The following CARMIL1 variants were observed in gnomAD, a reference collection of about 807,000 sequenced individuals.
CARMIL1 encodes the protein F-actin-uncapping protein LRRC16A.
A neutral mutation model predicts 177.1 loss-of-function variants in CARMIL1; 90 were observed. The observed-to-expected ratio is 0.51, with a 90% CI of 0.43 to 0.61. The LOEUF (loss-of-function observed/expected upper bound fraction) is 0.61, where lower values mean the gene tolerates loss of function less well. Ranked by LOEUF, CARMIL1 falls within the 20% of genes least tolerant of loss-of-function variation. The pLI, the probability that CARMIL1 is intolerant of heterozygous loss-of-function variation, is 0.00. For synonymous variants in CARMIL1, 577 were observed against 606.2 expected (o/e 0.95, Z 0.71); for missense variants, 1,380 against 1,667.0 (o/e 0.83, Z 3.00).
intron 29 of CARMIL1, among the ~76,000 whole-genome samples, chr6:25,570,273 T>C (rs998482727): frequency 2.6e-5 from 4 of 152,214 alleles, no homozygotes; most frequent in Non-Finnish European, 4.4e-5. Flanking sequence ...ATTTTCCCAC[T>C]TTTTAAAAAT....
At chr6:25,416,506 C>T (rs1274600341) in intron 2 of CARMIL1, among the ~76,000 whole-genome samples, 4 of 152,172 alleles carry the variant, frequency 2.6e-5, no homozygotes, top group Non-Finnish European at 1.5e-5. Flanking sequence ...GTAACATATA[C>T]AAACCTATTA....
chr6:25,547,218 T>C (rs1192297672), intron 26 of CARMIL1, among the ~76,000 whole-genome samples: 1 of 152,150 alleles, frequency 6.6e-6, no homozygotes, highest in Non-Finnish European at 1.5e-5. Context: ...GTAGGAAAAG[T>C]TATTGTTACA....
At position 25,619,714 on chromosome 6, in the gene CARMIL1, C is replaced by A. The variant is rs930382238; in HGVS notation, c.*131C>A. The A allele has an allele frequency of 5.2e-5, 39 of 747,456 alleles. No homozygotes were observed. The highest frequency in any genetic ancestry group is 7.3e-5 in the Non-Finnish European group (38 of 518,156). The allele number at this position is 747,456 out of a possible 1,614,324, so 46.3% of individuals were successfully genotyped here. ...ATTCTCTTCTTTTTCTTTATTTCGCCCCCACCCCCATCCCCTGCCTTTTTT... is the reference window on the plus strand; with the variant it reads ...ATTCTCTTCTTTTTCTTTATTTCGCACCCACCCCCATCCCCTGCCTTTTTT... On this transcript the variant is annotated 3_prime_UTR_variant, in exon 37 of 37. Coordinates refer to ENST00000329474, the MANE Select transcript of CARMIL1 (RefSeq NM_017640.6).
At chr6:25,468,139 CTT>C (rs1562179469) in intron 9 of CARMIL1, among the ~76,000 whole-genome samples, 1 of 151,750 alleles carries the variant, frequency 6.6e-6, no homozygotes, top group Non-Finnish European at 1.5e-5. Context: ...AAAAATATGA[CTT>C]TATGTTGATC....
intron 12 of CARMIL1, among the ~76,000 whole-genome samples, chr6:25,482,632 G>C (rs185459265): frequency 2.0e-5 from 3 of 152,204 alleles, no homozygotes; most frequent in Non-Finnish European, 2.9e-5. Flanking sequence ...CTGCCCTCCT[G>C]CCTCACATTC....
chr6:25,490,323 C>G (rs1803077801), intron 13 of CARMIL1, among the ~76,000 whole-genome samples: 1 of 152,114 alleles, frequency 6.6e-6, no homozygotes, highest in East Asian at 1.9e-4. Flanking sequence ...ACAATTTTTG[C>G]CAGGCAAACA....
chr6:25,450,112 TAGC>T, intron 6 of CARMIL1, 117 bp downstream of exon 6: 1 of 881,812 alleles, frequency 1.1e-6, no homozygotes, highest in Non-Finnish European at 1.7e-6. Context: ...AAGGTGTAAT[TAGC>T]AGCGCACAGA....
At chr6:25,353,220 T>G (rs1458108518) in intron 2 of CARMIL1, among the ~76,000 whole-genome samples, 1 of 152,220 alleles carries the variant, frequency 6.6e-6, no homozygotes, top group Non-Finnish European at 1.5e-5. Context: ...AGCTAACAAC[T>G]GATTGCTTAC....
At chr6:25,279,886 CCT>C in intron 1 of CARMIL1, 51 bp downstream of exon 1, 1 of 1,587,046 alleles carries the variant, frequency 6.3e-7, no homozygotes, top group African/African-American at 1.3e-5. Context: ...GTACTCCTCA[CCT>C]CTCTCTCCCT....
At position 25,521,606 on chromosome 6, in the gene CARMIL1, GA is replaced by G. The variant is rs534775531; in HGVS notation, c.1968+1273del. Reference sequence around the variant, plus strand: ...AACACGGTGAAACCCCGTCTCTACTGAAAATACAAAAAATTAGCCTGACTAG... The same window carrying G: ...AACACGGTGAAACCCCGTCTCTACTGAAATACAAAAAATTAGCCTGACTAG... On this transcript the variant is annotated intron_variant, in intron 23 of 36. Coordinates refer to ENST00000329474, the MANE Select transcript of CARMIL1 (RefSeq NM_017640.6). Among the ~76,000 whole-genome samples, 153 of 151,910 alleles carry G rather than the reference GA, an allele frequency of 1.0e-3. 1 individual carries two copies. Among genetic ancestry groups the G allele is most frequent in the Admixed American group, 4.8e-3 (73 of 15,250 alleles).
chr6:25,556,388 C>G (rs1810607405), intron 28 of CARMIL1, among the ~76,000 whole-genome samples: 1 of 152,050 alleles, frequency 6.6e-6, no homozygotes, highest in Non-Finnish European at 1.5e-5. Flanking sequence ...TTTTATTACT[C>G]TCAGATACTT....
At chr6:25,612,234 G>T (rs1024274009) in intron 36 of CARMIL1, 1 of 152,198 alleles carries the variant, frequency 6.6e-6, no homozygotes, top group African/African-American at 2.4e-5. Context: ...CAGCTTGTCC[G>T]CTAAGGTTGC....
At chr6:25,370,581 G>C (rs1790304866) in intron 2 of CARMIL1, among the ~76,000 whole-genome samples, 1 of 152,206 alleles carries the variant, frequency 6.6e-6, no homozygotes, top group Admixed American at 6.5e-5. Flanking sequence ...GTACTGCCCC[G>C]ACGGAGTCAT....
At chr6:25,525,524 A>G (rs1440449724) in intron 23 of CARMIL1, among the ~76,000 whole-genome samples, 1 of 152,230 alleles carries the variant, frequency 6.6e-6, no homozygotes, top group East Asian at 1.9e-4. Flanking sequence ...ATAGATTACA[A>G]ATTGGATCTG....
intron 2 of CARMIL1, among the ~76,000 whole-genome samples, chr6:25,343,755 C>T (rs1176585979): frequency 6.6e-6 from 1 of 152,094 alleles, no homozygotes; most frequent in Non-Finnish European, 1.5e-5. Context: ...TGTCTGGGAG[C>T]ATGACCTTCA....
intron 20 of CARMIL1, among the ~76,000 whole-genome samples, chr6:25,513,056 T>G (rs1328827625): frequency 6.6e-6 from 1 of 152,198 alleles, no homozygotes; most frequent in Non-Finnish European, 1.5e-5. Flanking sequence ...CTGCCTATTA[T>G]TTTTAAGTAT....
At chr6:25,321,291 A>G (rs1342645842) in intron 2 of CARMIL1, among the ~76,000 whole-genome samples, 2 of 152,172 alleles carry the variant, frequency 1.3e-5, no homozygotes, top group Non-Finnish European at 1.5e-5. Context: ...CAAAACAAGA[A>G]TAGAGTCTTT....
chr6:25,537,654 T>C (rs1417904267), intron 24 of CARMIL1, among the ~76,000 whole-genome samples: 1 of 152,152 alleles, frequency 6.6e-6, no homozygotes, highest in Non-Finnish European at 1.5e-5. Flanking sequence ...TTGCCAAAGG[T>C]TACTTGCATG....
intron 23 of CARMIL1, among the ~76,000 whole-genome samples, chr6:25,526,270 G>C (rs934264092): frequency 2.8e-4 from 43 of 152,098 alleles, no homozygotes; most frequent in Admixed American, 3.3e-4. Context: ...GTGAACCCGG[G>C]GGGTGGAGCT....
Sources: gnomAD v4.1 joint callset for allele counts (sites outside exome capture counted in the v4.1 genomes callset) on GRCh38, gnomAD v4.1.1 for gene constraint, MANE v1.5 for transcripts, NCBI Gene and HGNC (gene_info 2026-07-23, HGNC 2026-07-21) for gene names.